Variants in NAV3 observed in about 807,000 individuals in gnomAD.
NAV3 encodes the protein pore membrane and/or filament interacting like protein 1.
A neutral mutation model predicts 244.7 loss-of-function variants in NAV3; 87 were observed. That is an observed-to-expected ratio of 0.36 (90% CI 0.30 to 0.42). The LOEUF is 0.42. Among genes scored for constraint, NAV3 ranks in the 20% least tolerant of loss-of-function variants. The pLI, the probability that NAV3 is intolerant of heterozygous loss-of-function variation, is 1.00. For missense variants in NAV3, 2,663 were observed against 2,893.3 expected (o/e 0.92, Z 1.83); for synonymous variants, 1,126 against 1,042.2 (o/e 1.08, Z -1.55).
intron 6 of NAV3, among the ~76,000 whole-genome samples, chr12:77,995,655 G>A (rs1291787802): frequency 6.6e-6 from 1 of 152,168 alleles, no homozygotes; most frequent in Non-Finnish European, 1.5e-5. Context: ...CACAAAGACT[G>A]CGTCTGATGC....
At chr12:77,884,987 A>G (rs1259697498) in intron 1 of NAV3, among the ~76,000 whole-genome samples, 2 of 152,126 alleles carry the variant, frequency 1.3e-5, no homozygotes, top group African/African-American at 2.4e-5. Flanking sequence ...AATGATGTCA[A>G]TGATGGATGG....
intron 8 of NAV3, among the ~76,000 whole-genome samples, chr12:78,011,461 G>A (rs1875262743): frequency 6.6e-6 from 1 of 152,066 alleles, no homozygotes; most frequent in African/African-American, 2.4e-5. Flanking sequence ...AAAAAAGAGG[G>A]TTTTTTACAA....
chr12:77,818,321 G>T (rs994482569), intron 2 of NAV3, among the ~76,000 whole-genome samples: 2 of 152,066 alleles, frequency 1.3e-5, no homozygotes, highest in African/African-American at 4.8e-5. Flanking sequence ...AAAACTCCTA[G>T]AATGTACATG....
intron 12 of NAV3, among the ~76,000 whole-genome samples, chr12:78,074,176 C>T (rs1952927444): frequency 6.6e-6 from 1 of 152,174 alleles, no homozygotes; most frequent in Admixed American, 6.5e-5. Flanking sequence ...GTTTATACTA[C>T]AGGAATCCCA....
intron 12 of NAV3, among the ~76,000 whole-genome samples, chr12:78,063,264 A>T (rs1480701677): frequency 6.6e-6 from 1 of 152,216 alleles, no homozygotes; most frequent in South Asian, 2.1e-4. Flanking sequence ...ACTAAAAAAA[A>T]GATTGCAGAA....
At chr12:78,209,364 A>C (rs946254423) in intron 39 of NAV3, among the ~76,000 whole-genome samples, 1 of 149,962 alleles carries the variant, frequency 6.7e-6, no homozygotes, top group African/African-American at 2.5e-5. Context: ...GAAAAAAAAA[A>C]CTTTTGATTA....
chr12:77,623,993 G>A (rs1026112669), intron 2 of NAV3, among the ~76,000 whole-genome samples: 1 of 152,162 alleles, frequency 6.6e-6, no homozygotes, highest in African/African-American at 2.4e-5. Context: ...TGTGTGTCAT[G>A]CACTGCTCTA....
At chr12:77,671,026 T>C (rs912312447) in intron 2 of NAV3, among the ~76,000 whole-genome samples, 3 of 152,108 alleles carry the variant, frequency 2.0e-5, no homozygotes, top group African/African-American at 7.2e-5. Context: ...TATGATCATA[T>C]ACCTGGAAAA....
intron 1 of NAV3, among the ~76,000 whole-genome samples, chr12:77,917,929 A>T (rs1887319492): frequency 6.6e-6 from 1 of 152,108 alleles, no homozygotes; most frequent in South Asian, 2.1e-4. Flanking sequence ...AAGGATCCTT[A>T]TAATTGATAA....
intron 2 of NAV3, among the ~76,000 whole-genome samples, chr12:77,727,972 A>G (rs780176254): frequency 1.3e-5 from 2 of 151,870 alleles, no homozygotes; most frequent in African/African-American, 4.8e-5. Context: ...AAAACACCCA[A>G]ATTGGCCTCA....
intron 2 of NAV3, among the ~76,000 whole-genome samples, chr12:77,711,105 A>G (rs1378520806): frequency 1.3e-5 from 2 of 152,230 alleles, no homozygotes; most frequent in Non-Finnish European, 2.9e-5. Context: ...ATAATTGCCA[A>G]TTGAATCAAC....
intron 1 of NAV3, among the ~76,000 whole-genome samples, chr12:77,923,090 A>G (rs1300328261): frequency 6.6e-6 from 1 of 151,976 alleles, no homozygotes; most frequent in Non-Finnish European, 1.5e-5. Context: ...TGATAATAAC[A>G]ATTTCCCTAT....
At chr12:77,728,967 T>C (rs1165550872) in intron 2 of NAV3, among the ~76,000 whole-genome samples, 1 of 152,018 alleles carries the variant, frequency 6.6e-6, no homozygotes, top group Non-Finnish European at 1.5e-5. Flanking sequence ...TATGATAGTC[T>C]GCTTCCACTT....
At chr12:77,662,384 G>A (rs1175994434) in intron 2 of NAV3, among the ~76,000 whole-genome samples, 1 of 151,770 alleles carries the variant, frequency 6.6e-6, no homozygotes, top group Non-Finnish European at 1.5e-5. Flanking sequence ...ATTATAAGTT[G>A]TTTCTTAATT....
intron 2 of NAV3, among the ~76,000 whole-genome samples, chr12:77,746,794 T>C (rs1868567415): frequency 6.6e-6 from 1 of 152,172 alleles, no homozygotes; most frequent in African/African-American, 2.4e-5. Context: ...GGAACTCTCT[T>C]CTTACATATA....
intron 2 of NAV3, among the ~76,000 whole-genome samples, chr12:77,668,628 CT>C (rs1241165984): frequency 6.6e-6 from 1 of 152,070 alleles, no homozygotes; most frequent in African/African-American, 2.4e-5. Flanking sequence ...TGAGTAAAGC[CT>C]CCAAGAAGTA....
intron 1 of NAV3, among the ~76,000 whole-genome samples, chr12:77,885,318 T>G (rs140358496): frequency 4.6e-5 from 7 of 152,148 alleles, no homozygotes; most frequent in Non-Finnish European, 7.4e-5. Context: ...TAATCTGAAG[T>G]CTAAGGAAGC....
rs578024075 is a variant in NAV3, at chr12:77,879,387, G to A, written c.243+47683G>A. Among the ~76,000 whole-genome samples the A allele has an allele frequency of 4.6e-5, 7 of 152,190 alleles. No homozygotes were observed. In the East Asian group the frequency reaches 1.4e-3, roughly 29 times the overall value. On this transcript the variant is annotated intron_variant, in intron 1 of 39. Transcript: ENST00000397909. Reference sequence around the variant, plus strand: ...TATCATGCATATGAAAATTATTTCAGGCTGGGTGCAGTGCTCACACCTGTA... The same window carrying A: ...TATCATGCATATGAAAATTATTTCAAGCTGGGTGCAGTGCTCACACCTGTA...
chr12:78,050,692 C>A (rs540783968), intron 10 of NAV3, 72 bp from the exon 11 acceptor site: 4 of 1,479,488 alleles, frequency 2.7e-6, no homozygotes, highest in East Asian at 2.3e-5. Flanking sequence ...CCAGCCTTTT[C>A]TGTCTTCATG....
Sources: gnomAD v4.1 joint callset for allele counts (sites outside exome capture counted in the v4.1 genomes callset) on GRCh38, gnomAD v4.1.1 for gene constraint, MANE v1.5 for transcripts, NCBI Gene and HGNC (gene_info 2026-07-23, HGNC 2026-07-21) for gene names.